Variants in ACTR3C observed in about 807,000 individuals in gnomAD.
ACTR3C encodes the protein actin related protein 3C.
Under a neutral mutation model 26.3 loss-of-function variants are expected in ACTR3C, and 18 were observed. The ratio of observed to expected loss-of-function variants is 0.68; its 90% CI spans 0.47 to 1.01. ACTR3C has a LOEUF of 1.01. Among genes scored for constraint, ACTR3C ranks in the 50% least tolerant of loss-of-function variants. The pLI is 0.00. For missense variants in ACTR3C, 184 were observed against 250.7 expected, an observed-to-expected ratio of 0.73 and a Z score of 1.80; for synonymous variants, 55 against 94.5, an observed-to-expected ratio of 0.58 and a Z score of 2.42.
the ACTR3C span, among the ~76,000 whole-genome samples, chr7:149,976,319 A>T: frequency 2.0e-5 from 3 of 152,302 alleles, no homozygotes; most frequent in Non-Finnish European, 2.9e-5. Flanking sequence ...TCAAGCCTGT[A>T]ATCCCAGCAC....
the ACTR3C span, among the ~76,000 whole-genome samples, chr7:149,893,823 A>C: frequency 6.6e-6 from 1 of 152,226 alleles, no homozygotes; most frequent in Non-Finnish European, 1.5e-5. Flanking sequence ...TGCTAGATAA[A>C]ATTTCTCTGA....
At chr7:149,892,442 A>G in the ACTR3C span, 2 of 1,531,558 alleles carry the variant, frequency 1.3e-6, no homozygotes, top group South Asian at 1.2e-5. Flanking sequence ...CACTATCCAT[A>G]TCTATTTAAA....
At chr7:150,063,088 TAAG>T in the ACTR3C span, among the ~76,000 whole-genome samples, 2 of 145,554 alleles carry the variant, frequency 1.4e-5, no homozygotes, top group African/African-American at 2.6e-5. Context: ...ATACCACTGA[TAAG>T]AAGCCCACAT....
At chr7:150,026,404 A>G in the ACTR3C span, among the ~76,000 whole-genome samples, 2 of 152,172 alleles carry the variant, frequency 1.3e-5, no homozygotes, top group African/African-American at 4.8e-5. Flanking sequence ...GCACTGATGT[A>G]TCTCAGGCCT....
At chr7:150,042,127 T>G in the ACTR3C span, among the ~76,000 whole-genome samples, 1 of 50,830 alleles carries the variant, frequency 2.0e-5, no homozygotes, top group African/African-American at 8.9e-5. Context: ...GCGATGGGGG[T>G]CCTAAGAGCC....
chr7:149,907,478 T>TCTCTCTCTCTCTCTCTCTCTCTCTC, the ACTR3C span, among the ~76,000 whole-genome samples: 5 of 97,606 alleles, frequency 5.1e-5, no homozygotes, highest in Non-Finnish European at 4.2e-5. Context: ...CTCTCTTCTC[T>TCTCTCTCTCTCTCTCTCTCTCTCTC]TCTCTCTCTC....
the ACTR3C span, among the ~76,000 whole-genome samples, chr7:150,088,731 A>G: frequency 6.6e-6 from 1 of 152,180 alleles, no homozygotes; most frequent in Non-Finnish European, 1.5e-5. Context: ...TCACACGGGA[A>G]TCACTATTAC....
At chr7:150,121,299 T>A in the ACTR3C span, among the ~76,000 whole-genome samples, 15 of 152,244 alleles carry the variant, frequency 9.9e-5, no homozygotes, top group Non-Finnish European at 1.6e-4. Flanking sequence ...TGTCTCTGTT[T>A]GCAGATGACA....
chr7:149,899,751 T>A, the ACTR3C span, among the ~76,000 whole-genome samples: 1 of 151,616 alleles, frequency 6.6e-6, no homozygotes. Flanking sequence ...AACTGCCAAA[T>A]TTGGCAAGAA....
the ACTR3C span, among the ~76,000 whole-genome samples, chr7:150,072,072 G>A: frequency 1.9e-4 from 27 of 144,166 alleles, no homozygotes; most frequent in African/African-American, 6.9e-4. Context: ...AAGATGAGAA[G>A]ATGTGGGCAA....
At chr7:150,112,291 C>G in the ACTR3C span, among the ~76,000 whole-genome samples, 1 of 152,218 alleles carries the variant, frequency 6.6e-6, no homozygotes, top group Non-Finnish European at 1.5e-5. Flanking sequence ...GAGGCCAGAA[C>G]TTGGAAGACA....
the ACTR3C span, among the ~76,000 whole-genome samples, chr7:150,158,529 G>A: frequency 4.9e-3 from 740 of 152,174 alleles, 9 homozygotes; most frequent in African/African-American, 0.017. Flanking sequence ...ATGAAATCCT[G>A]CTATTTACAA....
At chr7:150,039,572 C>G in the ACTR3C span, among the ~76,000 whole-genome samples, 8 of 146,032 alleles carry the variant, frequency 5.5e-5, no homozygotes, top group South Asian at 1.8e-3. Context: ...GGGACTGGCT[C>G]TCAGTAATCC....
At chr7:149,987,241 T>C in the ACTR3C span, among the ~76,000 whole-genome samples, 10,126 of 152,292 alleles carry the variant, frequency 0.066, 504 homozygotes, top group East Asian at 0.25. Context: ...GAGCAGCTTT[T>C]TAAAAAACTA....
the ACTR3C span, among the ~76,000 whole-genome samples, chr7:149,993,034 A>G: frequency 1.3e-5 from 2 of 151,548 alleles, no homozygotes. Flanking sequence ...CATCCAGCAC[A>G]GGATAAAGCA....
chr7:150,115,083 GTTA>G, the ACTR3C span, among the ~76,000 whole-genome samples: 1 of 152,122 alleles, frequency 6.6e-6, no homozygotes, highest in African/African-American at 2.4e-5. Context: ...TTCCTAAAAT[GTTA>G]TTTAGTCATT....
At chr7:150,048,127 A>AT in the ACTR3C span, among the ~76,000 whole-genome samples, 19 of 151,022 alleles carry the variant, frequency 1.3e-4, no homozygotes, top group East Asian at 3.0e-3. Flanking sequence ...TGTTTTTATA[A>AT]TTTTTTTCCC....
At chr7:149,881,711 G>A in the ACTR3C span, 1 of 152,464 alleles carries the variant, frequency 6.6e-6, no homozygotes, top group African/African-American at 2.4e-5. Context: ...AAACCCAGAA[G>A]AGAACCCCAA....
chr7:149,970,729 C>T, the ACTR3C span, among the ~76,000 whole-genome samples: 7 of 152,132 alleles, frequency 4.6e-5, no homozygotes, highest in Non-Finnish European at 1.0e-4. Flanking sequence ...TATAAATGGA[C>T]CATTTCTAGA....
Sources: allele counts gnomAD v4.1 joint callset (sites outside exome capture counted in the v4.1 genomes callset), GRCh38; gene constraint gnomAD v4.1.1; transcripts MANE v1.5; gene names NCBI Gene and HGNC (gene_info 2026-07-23, HGNC 2026-07-21).